GSE1: variants seen among roughly 807,000 people sequenced by gnomAD.
GSE1 encodes the protein Gse1 coiled-coil protein.
GSE1 carries 32 observed loss-of-function variants against 112.6 expected under a neutral mutation model. The ratio of observed to expected loss-of-function variants is 0.28; its 90% CI spans 0.21 to 0.38. The LOEUF is 0.38. Among genes scored for constraint, GSE1 ranks in the 10% least tolerant of loss-of-function variants. GSE1 has a pLI of 1.00. For synonymous variants in GSE1, 1,115 were observed against 735.6 expected, an observed-to-expected ratio of 1.52 and a Z score of -8.35; for missense variants, 2,348 against 1,699.2, an observed-to-expected ratio of 1.38 and a Z score of -6.71.
chr16:85,629,206 C>T (rs1480275583), intron 1 of GSE1, among the ~76,000 whole-genome samples: 2 of 152,218 alleles, frequency 1.3e-5, no homozygotes, highest in East Asian at 1.9e-4. Flanking sequence ...CAAAATAAGC[C>T]TCTTTTCTTT....
chr16:85,641,139 T>C (rs1051002317), intron 2 of GSE1, among the ~76,000 whole-genome samples: 4 of 152,218 alleles, frequency 2.6e-5, no homozygotes, highest in Non-Finnish European at 5.9e-5. Context: ...TTTTCCCTGA[T>C]GCACCCTGTG....
intron 1 of GSE1, among the ~76,000 whole-genome samples, chr16:85,625,525 A>G (rs2049011773): frequency 6.6e-6 from 1 of 152,140 alleles, no homozygotes; most frequent in African/African-American, 2.4e-5. Flanking sequence ...CACCCCTGGG[A>G]TTGACCTGCT....
At chr16:85,646,600 C>T (rs926725140) in intron 2 of GSE1, among the ~76,000 whole-genome samples, 29 of 152,194 alleles carry the variant, frequency 1.9e-4, no homozygotes, top group Admixed American at 1.8e-3. Flanking sequence ...CGGAGATCTG[C>T]CCTGGGCCTG....
chr16:85,613,455 G>A, intron 1 of GSE1, 57 bp downstream of exon 1: 1 of 1,458,566 alleles, frequency 6.9e-7, no homozygotes, highest in South Asian at 1.3e-5. Flanking sequence ...CCACCGCACT[G>A]TCCTCCTGCA....
At chr16:85,450,962 T>C (rs1442103494) in intron 2 of GSE1, among the ~76,000 whole-genome samples, 1 of 149,542 alleles carries the variant, frequency 6.7e-6, no homozygotes, top group African/African-American at 2.5e-5. Context: ...TAATCCCAGC[T>C]ACTAGGGAGG....
At chr16:85,445,262 A>G (rs1009165683) in intron 2 of GSE1, among the ~76,000 whole-genome samples, 1 of 152,182 alleles carries the variant, frequency 6.6e-6, no homozygotes, top group African/African-American at 2.4e-5. Flanking sequence ...AGAGGCTGAC[A>G]CCAGGTGTGG....
intron 2 of GSE1, among the ~76,000 whole-genome samples, chr16:85,382,090 G>T (rs543203900): frequency 6.6e-6 from 1 of 152,224 alleles, no homozygotes; most frequent in Non-Finnish European, 1.5e-5. Context: ...TGGCTCCTCC[G>T]CTGTGATCAA....
intron 2 of GSE1, among the ~76,000 whole-genome samples, chr16:85,546,187 C>T (rs1435174007): frequency 6.6e-6 from 1 of 152,224 alleles, no homozygotes; most frequent in African/African-American, 2.4e-5. Context: ...CGGGTTCAAG[C>T]AATTCTAGTG....
At chr16:85,211,698 T>C in intron 1 of GSE1, among the ~76,000 whole-genome samples, 1 of 151,432 alleles carries the variant, frequency 6.6e-6, no homozygotes, top group Non-Finnish European at 1.5e-5. Flanking sequence ...GGATGGGAGG[T>C]GTGGGCCAGG....
At chr16:85,220,157 T>G (rs8060600) in intron 1 of GSE1, among the ~76,000 whole-genome samples, 40,580 of 152,170 alleles carry the variant, frequency 0.27, 5,578 homozygotes, top group Admixed American at 0.34. Flanking sequence ...CCCAAAACAT[T>G]TTCCCCTCTG....
chr16:85,507,175 C>G (rs992568033), intron 2 of GSE1, among the ~76,000 whole-genome samples: 1 of 152,224 alleles, frequency 6.6e-6, no homozygotes. Flanking sequence ...ATTTGCCAGT[C>G]TGTGGGTTTC....
intron 2 of GSE1, among the ~76,000 whole-genome samples, chr16:85,495,370 G>A (rs1179437215): frequency 1.3e-5 from 2 of 152,156 alleles, no homozygotes; most frequent in African/African-American, 2.4e-5. Context: ...TCAGGACACC[G>A]ACAAAGGCCG....
chr16:85,600,962 A>G (rs1034911467), intron 1 of GSE1, among the ~76,000 whole-genome samples: 2 of 152,000 alleles, frequency 1.3e-5, no homozygotes, highest in African/African-American at 4.8e-5. Context: ...GAGAATGCCA[A>G]AGCAACCCCT....
Position 85,311,233 on chromosome 16 carries a change from A to T in GSE1, c.2284-46230A>T, listed in dbSNP as rs1401007483. 6.6e-6 allele frequency among the ~76,000 whole-genome samples: 1 copy of T among 152,100 alleles called. No individual in the cohort carries two copies. The highest frequency in any genetic ancestry group is 2.4e-5 in the African/African-American group (1 of 41,436). The stretch of plus-strand genomic sequence containing the variant: ...CTGAGACTTGAATCCCATGGCACTG[A>T]TGTGGGCACAAAGGGGCAGAGCCTA... On this transcript the variant is annotated intron_variant, in intron 1 of 2. Transcript: ENST00000637419. This position sits in a 1 kb window ranked among gnomAD's most constrained non-coding sequence, Gnocchi z 4.2.
At chr16:85,393,741 G>GGCCCAGTCCAGAATGAGGT (rs2047901625) in intron 2 of GSE1, among the ~76,000 whole-genome samples, 1 of 152,206 alleles carries the variant, frequency 6.6e-6, no homozygotes, top group Non-Finnish European at 1.5e-5. Flanking sequence ...TCTTCTTAGG[G>GGCCCAGTCCAGAATGAGGT]GCCCAGTCCA....
At chr16:85,608,523 C>A (rs7195360), upstream of GSE1, among the ~76,000 whole-genome samples, 2 of 151,866 alleles carry the variant, frequency 1.3e-5, no homozygotes, top group African/African-American at 2.4e-5. Flanking sequence ...CCGCTTGAGA[C>A]CTGTCGTACC....
At chr16:85,395,862 TGG>T (rs1340206203) in intron 2 of GSE1, among the ~76,000 whole-genome samples, 1 of 134,514 alleles carries the variant, frequency 7.4e-6, no homozygotes, top group Non-Finnish European at 1.5e-5. Flanking sequence ...AGCCCAGAGA[TGG>T]GGAGAGAAGA....
chr16:85,221,329 CA>C (rs1449644788), intron 1 of GSE1, among the ~76,000 whole-genome samples: 23 of 148,612 alleles, frequency 1.5e-4, no homozygotes, highest in South Asian at 1.1e-3. Context: ...CACACACACA[CA>C]CACACCCCAA....
At chr16:85,456,761 C>T (rs1031225446) in intron 2 of GSE1, among the ~76,000 whole-genome samples, 8 of 152,114 alleles carry the variant, frequency 5.3e-5, no homozygotes, top group Admixed American at 2.6e-4. Context: ...GTGAGAGGCC[C>T]GCTAGGAGGC....
Sources: gnomAD v4.1 joint callset for allele counts (sites outside exome capture counted in the v4.1 genomes callset) on GRCh38, gnomAD v4.1.1 for gene constraint, Gnocchi (gnomAD v3.1) non-coding constraint, MANE v1.5 for transcripts, NCBI Gene and HGNC (gene_info 2026-07-23, HGNC 2026-07-21) for gene names.